The following PAQR3 variants were observed in gnomAD, a reference collection of about 807,000 sequenced individuals.
PAQR3 encodes Raf kinase trapping to Golgi.
Under a neutral mutation model 41.7 loss-of-function variants are expected in PAQR3, and 39 were observed. The ratio of observed to expected loss-of-function variants is 0.93; its 90% CI spans 0.72 to 1.22. PAQR3 has a LOEUF of 1.22. Among genes scored for constraint, PAQR3 ranks in the 50% most tolerant of loss-of-function variants. The probability of loss-of-function intolerance (pLI) is 0.00; values close to 1 mark genes in which losing one functional copy is unlikely to be tolerated. For synonymous variants in PAQR3, 140 were observed against 140.6 expected (o/e 1.00, Z 0.03); for missense variants, 366 against 385.6 (o/e 0.95, Z 0.42).
Position 78,927,353 on chromosome 4 carries a change from A to T in PAQR3, c.505-635T>A, listed in dbSNP as rs112632038. On this transcript the variant is annotated intron_variant, in intron 3 of 5. Coordinates refer to ENST00000512733, the MANE Select transcript of PAQR3 (RefSeq NM_001040202.2). ...AACAGAATTCTTTAAGAATAGGATG[A>T]CATGGCTGTCTTTCAAACAGACTTA... Among the ~76,000 whole-genome samples the T allele has an allele frequency of 1.7e-4, 26 of 152,362 alleles. 1 individual carries two copies. Among genetic ancestry groups the T allele is most frequent in the African/African-American group, 6.0e-4 (25 of 41,588 alleles).
chr4:78,917,684 G>A lies in PAQR3; in HGVS notation c.*2855C>T. 1 of 480,198 alleles carries A rather than the reference G, an allele frequency of 2.1e-6. No homozygotes were observed. Among genetic ancestry groups the A allele is most frequent in the African/African-American group, 2.1e-5 (1 of 47,340 alleles). The allele number at this position is 480,198 out of a possible 1,614,324, so 29.7% of individuals were successfully genotyped here. A position where few individuals can be genotyped will look rare whatever the true frequency, so the allele number is the denominator to read the frequency against. On this transcript the variant is annotated 3_prime_UTR_variant, in exon 6 of 6. Coordinates refer to ENST00000512733, the MANE Select transcript of PAQR3 (RefSeq NM_001040202.2). ...GTGGACAGGGACCTAATGCAGCAAA[G>A]CAACCAGCAGGAATTCACAGGAATA...
intron 11 of PAQR3, among the ~76,000 whole-genome samples, chr4:78,897,973 G>T (rs1055836480): frequency 6.6e-6 from 1 of 152,204 alleles, no homozygotes; most frequent in Non-Finnish European, 1.5e-5. Context: ...AAAGGAGAGA[G>T]TTGCTTTATT....
At chr4:78,934,086 A>G (rs903491260) in intron 2 of PAQR3, among the ~76,000 whole-genome samples, 1 of 151,542 alleles carries the variant, frequency 6.6e-6, no homozygotes, top group Non-Finnish European at 1.5e-5. Context: ...TAAACCTCAG[A>G]AAGAGTTTAT....
intron 11 of PAQR3, among the ~76,000 whole-genome samples, chr4:78,895,651 A>G (rs1176213563): frequency 6.6e-6 from 1 of 152,204 alleles, no homozygotes. Flanking sequence ...TGGGATGTAG[A>G]TGGGAATTTA....
chr4:78,910,926 T>G (rs2110109886), downstream of PAQR3: 1 of 1,613,834 alleles, frequency 6.2e-7, no homozygotes, highest in Non-Finnish European at 8.5e-7. Context: ...ATTCTGAAGA[T>G]GAGGAAGAAG....
chr4:78,923,856 C>A lies in PAQR3; in HGVS notation c.793+1G>T, dbSNP rs766983181. ...AAAACTGCTATAAAAGAGATACCTA[C>A]CTGGAAAGTACCGCTCTGGGACTTT... is the stretch of plus-strand genomic sequence containing the variant. On this transcript the variant is annotated splice_donor_variant, in intron 5 of 5. Coordinates refer to ENST00000512733, the MANE Select transcript of PAQR3 (RefSeq NM_001040202.2). LOFTEE classifies it high-confidence loss of function. 3 of 1,598,758 alleles carry A rather than the reference C, an allele frequency of 1.9e-6. No homozygotes were observed. Among genetic ancestry groups the A allele is most frequent in the Non-Finnish European group, 8.6e-7 (1 of 1,166,402 alleles).
downstream of PAQR3, chr4:78,911,178 A>G: frequency 6.2e-7 from 1 of 1,613,772 alleles, no homozygotes; most frequent in Non-Finnish European, 8.5e-7. Flanking sequence ...AAAAGAATGA[A>G]AAGAACCTCC....
chr4:78,912,140 G>T lies in PAQR3; in HGVS notation c.*8399C>A. The T allele has an allele frequency of 1.0e-6, 1 of 1,004,676 alleles. No homozygotes were observed. The highest frequency in any genetic ancestry group is 1.5e-6 in the Non-Finnish European group (1 of 668,506). The allele number at this position is 1,004,676 out of a possible 1,614,324, so 62.2% of individuals were successfully genotyped here. A position where few individuals can be genotyped will look rare whatever the true frequency, so the allele number is the denominator to read the frequency against. ...GCTCTTTATAGCATTCATTCTTAAA[G>T]ATCAGTCAGAATAGGTGATTTCTAA... On this transcript the variant is annotated 3_prime_UTR_variant, in exon 6 of 6. Transcript: ENST00000512733.
intron 1 of PAQR3, among the ~76,000 whole-genome samples, chr4:78,936,948 G>C (rs1443510961): frequency 7.5e-6 from 1 of 133,648 alleles, no homozygotes; most frequent in East Asian, 3.2e-4. Context: ...ACTTGGAAAA[G>C]ATAAGGCTGG....
downstream of PAQR3, chr4:78,910,836 A>G: frequency 5.6e-6 from 9 of 1,613,970 alleles, no homozygotes; most frequent in Non-Finnish European, 7.6e-6. Flanking sequence ...ATGATGAAGA[A>G]GTTCTTCAGG....
chr4:78,930,250 C>T lies in PAQR3; in HGVS notation c.424G>A (p.Ala142Thr). Residue 142 changes from alanine to threonine, a missense_variant, in exon 3 of 6, where the codon GCA (alanine) becomes ACA (threonine). Physicochemically the swap from Ala to Thr is moderately conservative, Grantham distance 58 (BLOSUM62 0). Coordinates refer to ENST00000512733, the MANE Select transcript of PAQR3 (RefSeq NM_001040202.2). The part of the protein sequence containing the change: ...RSEKTCRRWM[A>T]LDYAGISIGI... The stretch of plus-strand genomic sequence containing the variant: ...ATAGAAATTCCTGCATAATCTAATG[C>T]CATCCATCTTCGACATGTTTTTTCT... 6.2e-7 allele frequency: 1 copy of T among 1,613,708 alleles called. No individual in the cohort carries two copies. The highest frequency in any genetic ancestry group is 8.5e-7 in the Non-Finnish European group (1 of 1,179,770).
intron 11 of PAQR3, among the ~76,000 whole-genome samples, chr4:78,900,196 A>G (rs929393520): frequency 6.6e-6 from 1 of 152,228 alleles, no homozygotes; most frequent in Non-Finnish European, 1.5e-5. Context: ...AGTAGTAAAT[A>G]TCTTATTGAC....
At chr4:78,910,756 A>G, downstream of PAQR3, 2 of 1,613,888 alleles carry the variant, frequency 1.2e-6, no homozygotes, top group Non-Finnish European at 1.7e-6. Flanking sequence ...GCAAAAGGGG[A>G]ATGATGAATC....
chr4:78,930,244 C>G lies in PAQR3; in HGVS notation c.430G>C (p.Asp144His), dbSNP rs776851222. The G allele has an allele frequency of 3.7e-6, 6 of 1,613,684 alleles. No homozygotes were observed. Among genetic ancestry groups the G allele is most frequent in the Non-Finnish European group, 5.1e-6 (6 of 1,179,838 alleles). Residue 144 changes from aspartate to histidine, a missense_variant, in exon 3 of 6, where the codon GAT becomes CAT. By Grantham distance (81) the Asp-to-His change is moderately conservative. Transcript: ENST00000512733. ...ATTCCAATAGAAATTCCTGCATAAT[C>G]TAATGCCATCCATCTTCGACATGTT... ...EKTCRRWMALDYAGISIGILG... is the reference protein window; with the variant it reads ...EKTCRRWMALHYAGISIGILG...
intron 1 of PAQR3, among the ~76,000 whole-genome samples, chr4:78,936,848 ACTG>A (rs1183181165): frequency 6.6e-6 from 1 of 152,200 alleles, no homozygotes; most frequent in African/African-American, 2.4e-5. Context: ...GACTGGCAAA[ACTG>A]CTATGACATA....
Position 78,920,237 on chromosome 4 carries a change from C to T in PAQR3, c.*302G>A, listed in dbSNP as rs1735516485. The T allele has an allele frequency of 9.6e-7, 1 of 1,043,798 alleles. No homozygotes were observed. The highest frequency in any genetic ancestry group is 1.2e-6 in the Non-Finnish European group (1 of 868,488). The allele number at this position is 1,043,798 out of a possible 1,614,324, so 64.7% of individuals were successfully genotyped here. On this transcript the variant is annotated 3_prime_UTR_variant, in exon 6 of 6. Transcript: ENST00000512733. ...CCTTCCTAAGGAAATTAAGCTGGTG[C>T]TAAGTAAAATGAATCCTATTTCAAC...
rs1156738670 is a variant in PAQR3, at chr4:78,913,454, C to T, written c.*7085G>A. 1 of 152,120 alleles carries T rather than the reference C, an allele frequency of 6.6e-6. No homozygotes were observed. Among genetic ancestry groups the T allele is most frequent in the East Asian group, 1.9e-4 (1 of 5,206 alleles). The allele number at this position is 152,120 out of a possible 1,614,324, so 9.4% of individuals were successfully genotyped here. A position where few individuals can be genotyped will look rare whatever the true frequency, so the allele number is the denominator to read the frequency against. The stretch of plus-strand genomic sequence containing the variant: ...GTATCTGTGCTTCCTGTGTCTATGA[C>T]TATTTTAAGATATAATTGTGCTGCG... On this transcript the variant is annotated 3_prime_UTR_variant, in exon 6 of 6. Coordinates refer to ENST00000512733, the MANE Select transcript of PAQR3 (RefSeq NM_001040202.2).
chr4:78,911,120 T>C (rs1200606634), downstream of PAQR3: 7 of 1,613,980 alleles, frequency 4.3e-6, no homozygotes, highest in South Asian at 6.6e-5. Context: ...TTTGATGTAT[T>C]TGGCGCTGTC....
In PAQR3 at chr4:78,913,016, C is replaced by T. The variant is rs557749206; in HGVS notation, c.*7523G>A. ...TTTATTTTATGAAGAAAATATGTAG[C>T]GGAAACTGAATTTTCAAGACATTTA... On this transcript the variant is annotated 3_prime_UTR_variant, in exon 6 of 6. Coordinates refer to ENST00000512733, the MANE Select transcript of PAQR3 (RefSeq NM_001040202.2). The T allele has an allele frequency of 5.9e-5, 9 of 152,164 alleles. No homozygotes were observed. The South Asian group carries it at 1.2e-3, about 21-fold the overall frequency. 9.4% of individuals were successfully genotyped at this position (152,164 alleles called of 1,614,324 possible).
Sources: allele counts gnomAD v4.1 joint callset (sites outside exome capture counted in the v4.1 genomes callset), GRCh38; gene constraint gnomAD v4.1.1; transcripts MANE v1.5; gene names NCBI Gene and HGNC (gene_info 2026-07-23, HGNC 2026-07-21).